The following ACACB variants were observed in gnomAD, a reference collection of about 807,000 sequenced individuals.
The protein encoded by ACACB is acetyl-CoA carboxylase beta.
ACACB carries 209 observed loss-of-function variants against 278.8 expected under a neutral mutation model. That is an observed-to-expected ratio of 0.75 (90% confidence interval 0.67 to 0.84). The LOEUF (loss-of-function observed/expected upper bound fraction) is 0.84, where lower values mean the gene tolerates loss of function less well. Ranked by LOEUF, ACACB falls within the 40% of genes least tolerant of loss-of-function variation. The probability of loss-of-function intolerance (pLI) is 0.00; values close to 1 mark genes in which losing one functional copy is unlikely to be tolerated. For missense variants in ACACB, 2,850 were observed against 3,269.0 expected (o/e 0.87, Z 3.13); for synonymous variants, 1,174 against 1,285.6 (o/e 0.91, Z 1.86).
chr12:109,252,723 C>G (rs1047094895), intron 42 of ACACB: 2 of 247,544 alleles, frequency 8.1e-6, no homozygotes, highest in Admixed American at 1.1e-4. Context: ...GAAACACTAG[C>G]TAGGGTTTTG....
At chr12:109,222,226 G>A (rs1049062739) in intron 24 of ACACB, among the ~76,000 whole-genome samples, 48 of 152,148 alleles carry the variant, frequency 3.2e-4, no homozygotes, top group African/African-American at 1.1e-3. Flanking sequence ...CGTAGGCAGG[G>A]ACTTAGTTGT....
intron 1 of ACACB, among the ~76,000 whole-genome samples, chr12:109,121,439 T>C (rs1385869144): frequency 6.6e-6 from 1 of 152,180 alleles, no homozygotes; most frequent in Non-Finnish European, 1.5e-5. Context: ...CTCACAGATC[T>C]TACCTTCTAG....
At chr12:109,221,889 T>G (rs866151494) in intron 24 of ACACB, among the ~76,000 whole-genome samples, 1 of 143,896 alleles carries the variant, frequency 6.9e-6, no homozygotes, top group African/African-American at 2.9e-5. Flanking sequence ...CTTTTTTTTT[T>G]TTTTTGGGGG....
chr12:109,232,534 C>G, intron 28 of ACACB, 135 bp from the exon 29 acceptor site: 1 of 1,122,458 alleles, frequency 8.9e-7, no homozygotes, highest in Non-Finnish European at 1.3e-6. Context: ...TTGTCTCATC[C>G]CCTGCCCATT....
chr12:109,237,324 A>C lies in ACACB; in HGVS notation c.4606A>C (p.Thr1536Pro), dbSNP rs777340971. Residue 1536 changes from threonine to proline, a missense_variant, in exon 34 of 53, where the codon ACG (threonine) becomes CCG (proline). Around this residue, in one of 3 missense-constraint regions of ACACB, gnomAD observed 2,265 missense variants for 2,561.3 expected, o/e 0.88. Transcript: ENST00000338432. ...AAKVKEGVEV[T>P]DHRFFIRAII... The stretch of plus-strand genomic sequence containing the variant: ...CAAGGTGAAGGAAGGTGTGGAAGTG[A>C]CGGACCATAGGTTCTTCATCCGCGC... The C allele has an allele frequency of 7.4e-6, 12 of 1,614,060 alleles. No homozygotes were observed. The highest frequency in any genetic ancestry group is 9.3e-6 in the Non-Finnish European group (11 of 1,180,046).
intron 37 of ACACB, among the ~76,000 whole-genome samples, chr12:109,242,966 C>CA (rs1168253204): frequency 4.7e-5 from 7 of 148,360 alleles, no homozygotes; most frequent in South Asian, 2.1e-4. Flanking sequence ...ACCCCGTCTT[C>CA]AAAAAAAAAG....
intron 27 of ACACB, among the ~76,000 whole-genome samples, chr12:109,226,256 G>A (rs2046308981): frequency 6.6e-6 from 1 of 151,990 alleles, no homozygotes; most frequent in Non-Finnish European, 1.5e-5. Context: ...GGGTGATGGA[G>A]TGAGACCCTG....
At chr12:109,214,784 C>T (rs1008099215) in intron 22 of ACACB, among the ~76,000 whole-genome samples, 1 of 152,178 alleles carries the variant, frequency 6.6e-6, no homozygotes. Flanking sequence ...TTTGGAAGAA[C>T]ATCCAGGTTA....
intron 19 of ACACB, among the ~76,000 whole-genome samples, chr12:109,203,350 A>G (rs1287776845): frequency 6.6e-6 from 1 of 152,152 alleles, no homozygotes; most frequent in Non-Finnish European, 1.5e-5. Context: ...GTTTTTACCT[A>G]TTGTCCAGGA....
intron 11 of ACACB, among the ~76,000 whole-genome samples, chr12:109,183,546 A>C (rs1565896775): frequency 2.6e-5 from 4 of 152,110 alleles, no homozygotes; most frequent in African/African-American, 4.8e-5. Flanking sequence ...TGTAGCTATC[A>C]TAAATGGAAT....
intron 37 of ACACB, among the ~76,000 whole-genome samples, chr12:109,245,143 C>T (rs906229177): frequency 1.3e-5 from 2 of 151,774 alleles, no homozygotes; most frequent in African/African-American, 2.4e-5. Flanking sequence ...GAGATTGCGC[C>T]ATTGCACTCC....
At chr12:109,204,160 T>A (rs4766457) in intron 19 of ACACB, among the ~76,000 whole-genome samples, 25,525 of 151,980 alleles carry the variant, frequency 0.17, 2,640 homozygotes, top group East Asian at 0.44. Context: ...TCAAGCATTT[T>A]TCATTTCTTT....
intron 29 of ACACB, 143 bp downstream of exon 29, chr12:109,232,949 A>C: frequency 2.0e-6 from 2 of 1,005,206 alleles, no homozygotes; most frequent in Non-Finnish European, 2.9e-6. Flanking sequence ...CAGAATAATA[A>C]TAGCATTGTA....
chr12:109,127,087 C>T (rs2042699077), intron 1 of ACACB, among the ~76,000 whole-genome samples: 1 of 152,172 alleles, frequency 6.6e-6, no homozygotes, highest in Non-Finnish European at 1.5e-5. Flanking sequence ...TGCTGACCCT[C>T]TTTTGGGTGT....
chr12:109,171,193 C>T (rs1372459051), intron 4 of ACACB, among the ~76,000 whole-genome samples: 1 of 151,670 alleles, frequency 6.6e-6, no homozygotes, highest in Non-Finnish European at 1.5e-5. Flanking sequence ...TTAAGATAAA[C>T]TTTAAATAGG....
chr12:109,199,274 C>T (rs1416939702), intron 17 of ACACB, 128 bp from the exon 18 acceptor site: 2 of 736,528 alleles, frequency 2.7e-6, no homozygotes, highest in East Asian at 3.1e-5. Flanking sequence ...CTATCAACTG[C>T]CACCCTTTGG....
At chr12:109,167,853 G>T in intron 3 of ACACB, 43 bp from the exon 4 acceptor site, 1 of 1,613,174 alleles carries the variant, frequency 6.2e-7, no homozygotes, top group South Asian at 1.1e-5. Flanking sequence ...CCCCAGCGCA[G>T]GTAGATGTGC....
chr12:109,146,934 C>T (rs1211291372), intron 2 of ACACB, among the ~76,000 whole-genome samples: 1 of 152,130 alleles, frequency 6.6e-6, no homozygotes, highest in East Asian at 1.9e-4. Flanking sequence ...CTCGGCCTCC[C>T]AAAGTACTGG....
intron 1 of ACACB, among the ~76,000 whole-genome samples, chr12:109,119,589 C>CAAA (rs11360249): frequency 3.3e-5 from 4 of 120,464 alleles, no homozygotes; most frequent in African/African-American, 1.2e-4. Context: ...GACTCTGTCT[C>CAAA]AAAAAAAAAA....
Sources: allele counts gnomAD v4.1 joint callset (sites outside exome capture counted in the v4.1 genomes callset), GRCh38; gene constraint gnomAD v4.1.1; regional missense constraint gnomAD v4.1.1; transcripts MANE v1.5; gene names NCBI Gene and HGNC (gene_info 2026-07-23, HGNC 2026-07-21).